The following SLC39A11 variants were observed in gnomAD, a reference collection of about 807,000 sequenced individuals.
SLC39A11 encodes the protein zinc transporter ZIP11.
In SLC39A11, 33 loss-of-function variants were observed where a neutral mutation model predicts 36.1. The observed-to-expected ratio is 0.91, with a 90% CI of 0.69 to 1.22. SLC39A11 has a LOEUF of 1.22. SLC39A11 is among the 50% of genes most tolerant of loss of function. The probability of loss-of-function intolerance (pLI) is 0.00; values close to 1 mark genes in which losing one functional copy is unlikely to be tolerated. For synonymous variants in SLC39A11, 166 were observed against 170.3 expected, an observed-to-expected ratio of 0.97 and a Z score of 0.20; for missense variants, 432 against 430.3, an observed-to-expected ratio of 1.00 and a Z score of -0.03.
chr17:72,717,159 C>CAT (rs904111821), intron 7 of SLC39A11, among the ~76,000 whole-genome samples: 10 of 145,062 alleles, frequency 6.9e-5, no homozygotes, highest in African/African-American at 2.0e-4. Context: ...TATGTATATA[C>CAT]ATATATATAA....
intron 6 of SLC39A11, among the ~76,000 whole-genome samples, chr17:72,776,590 T>C (rs907700388): frequency 3.7e-5 from 4 of 109,228 alleles, no homozygotes; most frequent in African/African-American, 1.3e-4. Context: ...TGTTTGTTTA[T>C]AAATAAAATA....
intron 5 of SLC39A11, among the ~76,000 whole-genome samples, chr17:72,898,125 G>A (rs545987721): frequency 6.6e-6 from 1 of 152,196 alleles, no homozygotes; most frequent in Non-Finnish European, 1.5e-5. Context: ...GCACCAAAAA[G>A]TGTCTGGTGC....
At chr17:73,044,887 A>C (rs1019261535) in intron 3 of SLC39A11, among the ~76,000 whole-genome samples, 1 of 151,858 alleles carries the variant, frequency 6.6e-6, no homozygotes, top group Non-Finnish European at 1.5e-5. Flanking sequence ...AGAAAAAAAA[A>C]AAAAAAAAAG....
intron 7 of SLC39A11, among the ~76,000 whole-genome samples, chr17:72,716,542 G>A (rs1469224683): frequency 1.3e-5 from 2 of 151,080 alleles, no homozygotes; most frequent in Non-Finnish European, 2.9e-5. Context: ...CTCCAAGTTG[G>A]TCCAGACTGA....
chr17:72,665,304 C>T (rs1467922691), intron 7 of SLC39A11, among the ~76,000 whole-genome samples: 3 of 150,988 alleles, frequency 2.0e-5, no homozygotes, highest in Non-Finnish European at 4.4e-5. Context: ...TGAGCCAGGA[C>T]CACTCAGCAA....
rs147811652 is a variant in SLC39A11, at chr17:72,693,536, G to A, written c.671+43114C>T. On this transcript the variant is annotated intron_variant, in intron 7 of 9. Transcript: ENST00000255559. Reference sequence around the variant, plus strand: ...TCAATAAACTGTCCATTCCTTGGGCGGTCGCACAATAGTAAGCATCTTGCT... The same window carrying A: ...TCAATAAACTGTCCATTCCTTGGGCAGTCGCACAATAGTAAGCATCTTGCT... Among the ~76,000 whole-genome samples the A allele has an allele frequency of 9.2e-5, 14 of 152,262 alleles. No homozygotes were observed. In the East Asian group the frequency reaches 2.1e-3, roughly 23 times the overall value.
intron 7 of SLC39A11, among the ~76,000 whole-genome samples, chr17:72,728,935 C>T (rs950502442): frequency 6.6e-6 from 1 of 152,158 alleles, no homozygotes; most frequent in Non-Finnish European, 1.5e-5. Flanking sequence ...GGGTTCTGTA[C>T]GCAACAGCTC....
At chr17:72,825,150 G>A (rs552958305) in intron 6 of SLC39A11, among the ~76,000 whole-genome samples, 1 of 141,186 alleles carries the variant, frequency 7.1e-6, no homozygotes, top group Admixed American at 6.9e-5. Context: ...GGGAAGAATG[G>A]TTTTGCAGAC....
At position 72,745,408 on chromosome 17, in the gene SLC39A11, A is replaced by G. The variant is rs573790094; in HGVS notation, c.602-8689T>C. 6.6e-5 allele frequency among the ~76,000 whole-genome samples: 10 copies of G among 152,276 alleles called. No homozygotes were observed. The East Asian group carries it at 7.7e-4, about 12-fold the overall frequency. On this transcript the variant is annotated intron_variant, in intron 6 of 9. Transcript: ENST00000255559. ...TGAGAGGGGCTTCTAAATAGGATAC[A>G]GTTGTTTCAGGGTGGTCAGACCAGG...
chr17:72,912,817 C>T (rs1412958589), intron 5 of SLC39A11, among the ~76,000 whole-genome samples: 1 of 152,144 alleles, frequency 6.6e-6, no homozygotes, highest in African/African-American at 2.4e-5. Flanking sequence ...CACCCCAGCC[C>T]TACTTGCTCA....
At chr17:73,065,544 A>G (rs2144363318) in intron 3 of SLC39A11, among the ~76,000 whole-genome samples, 1 of 152,344 alleles carries the variant, frequency 6.6e-6, no homozygotes, top group Admixed American at 6.5e-5. Context: ...ACCTGTTCTC[A>G]GGAGGTCAGG....
intron 7 of SLC39A11, among the ~76,000 whole-genome samples, chr17:72,729,440 TATATATATA>T (rs2074106336): frequency 1.7e-3 from 9 of 5,316 alleles, no homozygotes; most frequent in African/African-American, 4.1e-3. Flanking sequence ...TATATATATA[TATATATATA>T]TATATATATT....
At chr17:72,662,446 GAAAAA>G (rs370785563) in intron 7 of SLC39A11, among the ~76,000 whole-genome samples, 1 of 102,316 alleles carries the variant, frequency 9.8e-6, no homozygotes, top group South Asian at 3.0e-4. Flanking sequence ...AGAAAGAAAA[GAAAAA>G]AAAGAAAAAG....
chr17:72,740,260 TCA>T lies in SLC39A11; in HGVS notation c.602-3543_602-3542del, dbSNP rs1390135960. ...TGTATTTTTTAGTAGAGACGGGGTTTCACACCGTGTTAGCCAGGATGGTCTTG... is the reference window on the plus strand; with the variant it reads ...TGTATTTTTTAGTAGAGACGGGGTTTCACCGTGTTAGCCAGGATGGTCTTG... On this transcript the variant is annotated intron_variant, in intron 6 of 9. Coordinates refer to ENST00000255559, the MANE Select transcript of SLC39A11 (RefSeq NM_139177.4). Among the ~76,000 whole-genome samples, 5 of 151,320 alleles carry T rather than the reference TCA, an allele frequency of 3.3e-5. No homozygotes were observed. In the East Asian group the frequency reaches 7.7e-4, roughly 23 times the overall value.
chr17:72,805,815 C>T (rs1283614595), intron 6 of SLC39A11, among the ~76,000 whole-genome samples: 1 of 150,484 alleles, frequency 6.6e-6, no homozygotes, highest in African/African-American at 2.5e-5. Flanking sequence ...GTGGGGCGAT[C>T]CTGGCTCACT....
intron 5 of SLC39A11, among the ~76,000 whole-genome samples, chr17:72,939,110 T>TGCCTGAATGG (rs2084936784): frequency 6.6e-6 from 1 of 152,184 alleles, no homozygotes; most frequent in Admixed American, 6.5e-5. Context: ...TTGGTCAATG[T>TGCCTGAATGG]ACAGTGCTGA....
chr17:72,861,665 A>ATATATATATATCC (rs1555605329), intron 5 of SLC39A11, among the ~76,000 whole-genome samples: 3 of 106,902 alleles, frequency 2.8e-5, no homozygotes, highest in Non-Finnish European at 5.6e-5. Flanking sequence ...CATTATATAT[A>ATATATATATATCC]TATATATATA....
intron 3 of SLC39A11, among the ~76,000 whole-genome samples, chr17:73,063,280 T>A (rs142415549): frequency 6.0e-5 from 9 of 150,842 alleles, no homozygotes; most frequent in East Asian, 2.0e-4. Flanking sequence ...TTAGCACTAA[T>A]GGCAATCAGA....
chr17:72,819,612 C>G (rs2077698580), intron 6 of SLC39A11, among the ~76,000 whole-genome samples: 1 of 151,160 alleles, frequency 6.6e-6, no homozygotes, highest in African/African-American at 2.4e-5. Context: ...CTGCAAAGCC[C>G]CTCTGGGATT....
Sources: gnomAD v4.1 joint callset for allele counts (sites outside exome capture counted in the v4.1 genomes callset) on GRCh38, gnomAD v4.1.1 for gene constraint, MANE v1.5 for transcripts, NCBI Gene and HGNC (gene_info 2026-07-23, HGNC 2026-07-21) for gene names.